The following MYO5A variants were observed in gnomAD, a reference collection of about 807,000 sequenced individuals.
MYO5A encodes the protein myosin VA, also known as unconventional myosin-Va.
In MYO5A, 98 loss-of-function variants were observed where a neutral mutation model predicts 249.7. The ratio of observed to expected loss-of-function variants is 0.39; its 90% CI spans 0.33 to 0.46. The LOEUF (loss-of-function observed/expected upper bound fraction) is 0.46. Among genes scored for constraint, MYO5A ranks in the 20% least tolerant of loss-of-function variants. The pLI is 0.98. For missense variants in MYO5A, 1,696 were observed against 2,308.8 expected (o/e 0.73, Z 5.44); for synonymous variants, 778 against 810.6 (o/e 0.96, Z 0.68).
Position 52,425,744 on chromosome 15 carries a change from T to C in MYO5A, c.455+86A>G. Reference sequence around the variant, plus strand: ...TTAGTAATTATTTACAAGGTTGCCATTCACTTTAAAATATATGTGACTTAG... The same window carrying C: ...TTAGTAATTATTTACAAGGTTGCCACTCACTTTAAAATATATGTGACTTAG... On this transcript the variant is annotated intron_variant, in intron 4 of 41. Transcript: ENST00000399233. 2.1e-6 allele frequency: 3 copies of C among 1,460,002 alleles called. No homozygotes were observed. In the Admixed American group the frequency reaches 5.1e-5, roughly 25 times the overall value. The allele number at this position is 1,460,002 out of a possible 1,614,324, so 90.4% of individuals were successfully genotyped here.
intron 3 of MYO5A, 124 bp from the exon 4 acceptor site, chr15:52,426,098 A>G: frequency 1.2e-6 from 1 of 859,010 alleles, no homozygotes; most frequent in Non-Finnish European, 1.8e-6. Flanking sequence ...TTAATATTAA[A>G]CCAATAAATT....
chr15:52,445,060 T>C (rs1004592535), intron 1 of MYO5A, among the ~76,000 whole-genome samples: 4 of 152,148 alleles, frequency 2.6e-5, no homozygotes, highest in African/African-American at 9.7e-5. Flanking sequence ...TCTAGGTCTT[T>C]TGCTAACTTG....
chr15:52,411,073 A>C (rs1355894104), intron 5 of MYO5A, among the ~76,000 whole-genome samples: 2 of 152,250 alleles, frequency 1.3e-5, no homozygotes, highest in African/African-American at 4.8e-5. Flanking sequence ...TTATCTGAAC[A>C]TTCATGCCAG....
At chr15:52,377,818 G>A (rs1454109570) in intron 18 of MYO5A, among the ~76,000 whole-genome samples, 2 of 152,152 alleles carry the variant, frequency 1.3e-5, no homozygotes, top group African/African-American at 4.8e-5. Flanking sequence ...CAGTCCGCCC[G>A]CCACGGCCTC....
intron 9 of MYO5A, among the ~76,000 whole-genome samples, chr15:52,400,020 T>C (rs1263540595): frequency 6.6e-6 from 1 of 152,230 alleles, no homozygotes; most frequent in Non-Finnish European, 1.5e-5. Context: ...TCCATGGTTA[T>C]ATCTGAATTT....
chr15:52,381,761 G>GTCTCTCTC (rs201082702), intron 16 of MYO5A, among the ~76,000 whole-genome samples: 2 of 143,590 alleles, frequency 1.4e-5, no homozygotes, highest in Admixed American at 7.0e-5. Flanking sequence ...CCCTCCTTTT[G>GTCTCTCTC]TGTCTCTCTC....
At chr15:52,519,037 T>C (rs888308073) in intron 1 of MYO5A, among the ~76,000 whole-genome samples, 1 of 151,966 alleles carries the variant, frequency 6.6e-6, no homozygotes, top group Non-Finnish European at 1.5e-5. Flanking sequence ...TAAAATTAAA[T>C]AGTAGGGGGA....
intron 16 of MYO5A, among the ~76,000 whole-genome samples, chr15:52,382,267 C>G (rs1260692971): frequency 1.3e-5 from 2 of 152,156 alleles, no homozygotes; most frequent in African/African-American, 4.8e-5. Flanking sequence ...TTACAATGTA[C>G]ATGTATTACT....
chr15:52,480,522 T>G (rs935018514), intron 1 of MYO5A, among the ~76,000 whole-genome samples: 4 of 152,210 alleles, frequency 2.6e-5, no homozygotes, highest in Non-Finnish European at 5.9e-5. Context: ...AAGGATGTCC[T>G]GATCCCCGAT....
chr15:52,358,089 G>C (rs1469414110), intron 25 of MYO5A, among the ~76,000 whole-genome samples: 3 of 152,208 alleles, frequency 2.0e-5, no homozygotes, highest in Non-Finnish European at 4.4e-5. Context: ...TGCACACCAA[G>C]CAGGAGGAGC....
chr15:52,411,294 C>CATGG (rs1398448508), intron 5 of MYO5A, among the ~76,000 whole-genome samples: 2 of 152,124 alleles, frequency 1.3e-5, no homozygotes. Context: ...AACAAAGGTC[C>CATGG]AGTTAGACTA....
chr15:52,467,511 A>C (rs1346248209), intron 1 of MYO5A, among the ~76,000 whole-genome samples: 1 of 152,218 alleles, frequency 6.6e-6, no homozygotes, highest in African/African-American at 2.4e-5. Context: ...AAAGACATCA[A>C]GATATTAGGG....
intron 40 of MYO5A, 110 bp from the exon 41 acceptor site, chr15:52,314,313 A>C: frequency 2.5e-6 from 2 of 812,520 alleles, no homozygotes. Context: ...AGTTCTACTC[A>C]GGGGTGGGCT....
chr15:52,417,668 G>C (rs2043570272), intron 4 of MYO5A, among the ~76,000 whole-genome samples: 1 of 152,178 alleles, frequency 6.6e-6, no homozygotes. Flanking sequence ...ATGGATTAAT[G>C]GCATGAATGC....
chr15:52,336,516 C>T lies in MYO5A; in HGVS notation c.4355G>A (p.Arg1452His), dbSNP rs368488059. The change falls in exon 34 of 42, where the codon CGT (arginine) becomes CAT (histidine). Residue 1452 changes from arginine to histidine, a missense_variant. Arg to His is a conservative substitution (Grantham distance 29). Coordinates refer to ENST00000399233, the MANE Select transcript of MYO5A (RefSeq NM_001382347.1). ...TACTTTCAGTTGTTTTTTCAGTTTA[C>T]GGACCGTCTTATCCTGTTTTTCAAG... ...EQLEKQDKTVRKLKKQLKVFA... is the reference protein window; with the variant it reads ...EQLEKQDKTVHKLKKQLKVFA... The T allele has an allele frequency of 5.6e-6, 9 of 1,607,044 alleles. No individual in the cohort carries two copies. Among genetic ancestry groups the T allele is most frequent in the South Asian group, 2.2e-5 (2 of 90,404 alleles).
At chr15:52,489,316 G>A (rs2076886782) in intron 1 of MYO5A, among the ~76,000 whole-genome samples, 1 of 152,332 alleles carries the variant, frequency 6.6e-6, no homozygotes, top group South Asian at 2.1e-4. Flanking sequence ...TGTAATCCCA[G>A]CACTTTGGGA....
At chr15:52,474,372 C>A (rs1390391636) in intron 1 of MYO5A, among the ~76,000 whole-genome samples, 1 of 152,104 alleles carries the variant, frequency 6.6e-6, no homozygotes, top group East Asian at 1.9e-4. Flanking sequence ...TAATTGAATA[C>A]CCTTTCTTTC....
intron 1 of MYO5A, among the ~76,000 whole-genome samples, chr15:52,472,564 G>T (rs999718519): frequency 2.0e-5 from 3 of 151,910 alleles, no homozygotes; most frequent in Admixed American, 6.6e-5. Context: ...CGCACAACAG[G>T]CCCCGGTGTG....
chr15:52,497,412 AATAAATAAATAG>A (rs2077059233), intron 1 of MYO5A, among the ~76,000 whole-genome samples: 1 of 105,064 alleles, frequency 9.5e-6, no homozygotes. Context: ...AAATAGCTTA[AATAAATAAATAG>A]ATAAATAAAT....
Sources: gnomAD v4.1 joint callset for allele counts (sites outside exome capture counted in the v4.1 genomes callset) on GRCh38, gnomAD v4.1.1 for gene constraint, MANE v1.5 for transcripts, NCBI Gene and HGNC (gene_info 2026-07-23, HGNC 2026-07-21) for gene names.